FOSL2: variants seen among roughly 807,000 people sequenced by gnomAD.
The protein encoded by FOSL2 is FOS like 2, AP-1 transcription factor subunit.
FOSL2 carries 3 observed loss-of-function variants against 27.7 expected under a neutral mutation model. That is an observed-to-expected ratio of 0.11 (90% CI 0.05 to 0.28). The LOEUF (loss-of-function observed/expected upper bound fraction) is 0.28. Ranked by LOEUF, FOSL2 falls within the 10% of genes least tolerant of loss-of-function variation. The pLI, the probability that FOSL2 is intolerant of heterozygous loss-of-function variation, is 1.00. For missense variants in FOSL2, 333 were observed against 445.1 expected, an observed-to-expected ratio of 0.75 and a Z score of 2.27; for synonymous variants, 179 against 190.1, an observed-to-expected ratio of 0.94 and a Z score of 0.48.
chr2:28,404,299 A>G lies in FOSL2; in HGVS notation c.295A>G (p.Arg99Gly). 6.2e-7 allele frequency: 1 copy of G among 1,614,158 alleles called. No individual in the cohort carries two copies. Among genetic ancestry groups the G allele is most frequent in the Non-Finnish European group, 8.5e-7 (1 of 1,180,022 alleles). Reference protein sequence around the residue: ...ASVPGHMALPRPGVIKTIGTT... With the variant: ...ASVPGHMALPGPGVIKTIGTT... Reference sequence around the variant, plus strand: ...TGTCCCTGGACACATGGCCCTCCCAAGACCTGGCGTGATCAAGACCATTGG... The same window carrying G: ...TGTCCCTGGACACATGGCCCTCCCAGGACCTGGCGTGATCAAGACCATTGG... The change falls in exon 2 of 4, where the codon AGA (arginine) becomes GGA (glycine). Residue 99 changes from arginine (R) to glycine (G), a missense_variant. Physicochemically the swap from Arg to Gly is moderately radical, Grantham distance 125 (BLOSUM62 -2). Around this residue, in one of 4 missense-constraint regions of FOSL2, gnomAD observed 131 missense variants for 157.9 expected, o/e 0.83. Transcript: ENST00000264716. This position sits in a 1 kb window ranked among gnomAD's most constrained non-coding sequence, Gnocchi z 4.7.
At chr2:28,406,044 CTTTTTTTTTTTTTT>C (rs10525036) in intron 2 of FOSL2, among the ~76,000 whole-genome samples, 1 of 39,694 alleles carries the variant, frequency 2.5e-5, no homozygotes. Flanking sequence ...TCTCCATTCC[CTTTTTTTTTTTTTT>C]TTTTTTTTTC....
intron 1 of FOSL2, among the ~76,000 whole-genome samples, chr2:28,401,184 G>A (rs567214260): frequency 7.8e-4 from 118 of 151,196 alleles, no homozygotes; most frequent in African/African-American, 2.5e-3. Flanking sequence ...CCTTCCATTG[G>A]TTTGGAGCAA....
At position 28,413,834 on chromosome 2, in the gene FOSL2, C is replaced by T; in HGVS notation, c.*1386C>T. ...GTCGCTGTGGCTTGTGGCTCATGCG[C>T]CATTCCTGGTTGTCTGTTGAATCTT... On this transcript the variant is annotated 3_prime_UTR_variant, in exon 4 of 4. Transcript: ENST00000264716. The T allele has an allele frequency of 2.5e-6, 1 of 398,900 alleles. No homozygotes were observed. The highest frequency in any genetic ancestry group is 4.4e-6 in the Non-Finnish European group (1 of 226,284). The allele number at this position is 398,900 out of a possible 1,614,324, so 24.7% of individuals were successfully genotyped here.
In FOSL2 at chr2:28,416,037, TAAG is replaced by T. The variant is rs1356899407; in HGVS notation, c.*3590_*3592del. 6.6e-6 allele frequency: 1 copy of T among 152,108 alleles called. No homozygotes were observed. Among genetic ancestry groups the T allele is most frequent in the Non-Finnish European group, 1.5e-5 (1 of 68,020 alleles). 9.4% of individuals were successfully genotyped at this position (152,108 alleles called of 1,614,324 possible). ...ATGTGTGAATTTTCTTTAAAAAACT[TAAG>T]GAGTCTTTGCTACCTTCTGCTTGTT... is the stretch of plus-strand genomic sequence containing the variant. On this transcript the variant is annotated 3_prime_UTR_variant, in exon 4 of 4. Transcript: ENST00000264716.
chr2:28,398,576 A>G (rs1195426497), intron 1 of FOSL2, among the ~76,000 whole-genome samples: 1 of 152,226 alleles, frequency 6.6e-6, no homozygotes, highest in Non-Finnish European at 1.5e-5. Context: ...GGGAGCCTGG[A>G]CGAGGGCTAA....
intron 1 of FOSL2, among the ~76,000 whole-genome samples, chr2:28,396,637 G>GA (rs530609439): frequency 6.6e-6 from 1 of 151,852 alleles, no homozygotes; most frequent in Non-Finnish European, 1.5e-5. Flanking sequence ...CCCTTTTAAT[G>GA]AAAAAACAAA....
At chr2:28,403,326 C>T (rs760704386) in intron 1 of FOSL2, among the ~76,000 whole-genome samples, 21 of 152,138 alleles carry the variant, frequency 1.4e-4, no homozygotes, top group Non-Finnish European at 2.9e-4. Context: ...AATTAAGAAG[C>T]GGGGAGAAAA....
chr2:28,412,753 C>G lies in FOSL2; in HGVS notation c.*305C>G, dbSNP rs1368300020. On this transcript the variant is annotated 3_prime_UTR_variant, in exon 4 of 4. Transcript: ENST00000264716. This position sits in a 1 kb window ranked among gnomAD's most constrained non-coding sequence, Gnocchi z 7.1. Reference sequence around the variant, plus strand: ...TCTCTGGCTTCTGAAGAGCCTGAAGCTGGCCTGGACCATTCCTGTCCCTTT... The same window carrying G: ...TCTCTGGCTTCTGAAGAGCCTGAAGGTGGCCTGGACCATTCCTGTCCCTTT... 1 of 390,328 alleles carries G rather than the reference C, an allele frequency of 2.6e-6. No individual in the cohort carries two copies. Among genetic ancestry groups the G allele is most frequent in the Admixed American group, 3.7e-5 (1 of 26,900 alleles). 24.2% of individuals were successfully genotyped at this position (390,328 alleles called of 1,614,324 possible).
In FOSL2 at chr2:28,412,307, C is replaced by G; in HGVS notation, c.840C>G (p.Leu280=). 6.2e-7 allele frequency: 1 copy of G among 1,614,078 alleles called. No individual in the cohort carries two copies. The highest frequency in any genetic ancestry group is 8.5e-7 in the Non-Finnish European group (1 of 1,180,010). ...TPAVTPGTSN[L]VFTYPSVLEQ... Reference sequence around the variant, plus strand: ...CTGTCACTCCGGGCACCTCGAACCTCGTCTTCACCTATCCTAGCGTCCTGG... The same window carrying G: ...CTGTCACTCCGGGCACCTCGAACCTGGTCTTCACCTATCCTAGCGTCCTGG... Residue 280 remains leucine, a synonymous_variant, in exon 4 of 4, where the codon CTC becomes CTG. Coordinates refer to ENST00000264716, the MANE Select transcript of FOSL2 (RefSeq NM_005253.4). This position sits in a 1 kb window ranked among gnomAD's most constrained non-coding sequence, Gnocchi z 7.1.
chr2:28,406,115 G>A (rs892502349), intron 2 of FOSL2, among the ~76,000 whole-genome samples: 15 of 150,844 alleles, frequency 9.9e-5, no homozygotes, highest in African/African-American at 3.6e-4. Context: ...GAATGCAGTG[G>A]CACGATCTCG....
chr2:28,393,588 GA>G lies in FOSL2; in HGVS notation c.-130del. 1 of 637,482 alleles carries G rather than the reference GA, an allele frequency of 1.6e-6. No individual in the cohort carries two copies. The highest frequency in any genetic ancestry group is 2.0e-5 in the South Asian group (1 of 49,772). 39.5% of individuals were successfully genotyped at this position (637,482 alleles called of 1,614,324 possible). A position where few individuals can be genotyped will look rare whatever the true frequency, so the allele number is the denominator to read the frequency against. The stretch of plus-strand genomic sequence containing the variant: ...TGTCCTCGCCCTCCGCGGTGGGGGA[GA>G]AACCCAGGAGCGAAGCCCAGAGCCC... On this transcript the variant is annotated 5_prime_UTR_variant, in exon 1 of 4. Coordinates refer to ENST00000264716, the MANE Select transcript of FOSL2 (RefSeq NM_005253.4). The surrounding 1 kb of genome is among the most constrained non-coding windows in gnomAD (Gnocchi z 4.6).
At chr2:28,406,850 C>T (rs979747394) in intron 2 of FOSL2, among the ~76,000 whole-genome samples, 2 of 152,220 alleles carry the variant, frequency 1.3e-5, no homozygotes, top group Admixed American at 6.5e-5. Flanking sequence ...GCCTCCGGAG[C>T]CGGCCTGGTG....
intron 1 of FOSL2, among the ~76,000 whole-genome samples, chr2:28,398,919 T>C (rs1484898542): frequency 6.6e-6 from 1 of 152,202 alleles, no homozygotes; most frequent in Non-Finnish European, 1.5e-5. Flanking sequence ...ATACAGAGTA[T>C]TTGCGTTAAA....
rs1233032959 is a variant in FOSL2 at position 28,403,574 on chromosome 2, T to C, written c.103-533T>C. 3.3e-5 allele frequency among the ~76,000 whole-genome samples: 5 copies of C among 152,308 alleles called. No homozygotes were observed. In the East Asian group the frequency reaches 5.8e-4, roughly 18 times the overall value. On this transcript the variant is annotated intron_variant, in intron 1 of 3. Coordinates refer to ENST00000264716, the MANE Select transcript of FOSL2 (RefSeq NM_005253.4). ...GGCTGTGCCCTGATGGAGTCATAGC[T>C]CTGTCCTGAACCTCTTTGGAAAGTG...
Position 28,408,720 on chromosome 2 carries a change from G to C in FOSL2, c.355-39G>C. 7.1e-7 allele frequency: 1 copy of C among 1,416,772 alleles called. No individual in the cohort carries two copies. Among genetic ancestry groups the C allele is most frequent in the South Asian group, 1.3e-5 (1 of 79,500 alleles). The allele number at this position is 1,416,772 out of a possible 1,614,324, so 87.8% of individuals were successfully genotyped here. A position where few individuals can be genotyped will look rare whatever the true frequency, so the allele number is the denominator to read the frequency against. On this transcript the variant is annotated intron_variant, in intron 2 of 3. Coordinates refer to ENST00000264716, the MANE Select transcript of FOSL2 (RefSeq NM_005253.4). The surrounding 1 kb of genome is among the most constrained non-coding windows in gnomAD (Gnocchi z 4.1). ...TTTTTAAAAAATACTGTGAACCATT[G>C]TCTCTGTTCTAACCATGATCCTTGG...
intron 1 of FOSL2, chr2:28,394,670 A>C (rs1446240994): frequency 1.3e-5 from 2 of 152,362 alleles, no homozygotes; most frequent in Admixed American, 6.5e-5. Context: ...ACTGGTTTGC[A>C]CTGGAGGGAT....
Position 28,413,416 on chromosome 2 carries a change from T to TC in FOSL2, c.*970dup. The TC allele has an allele frequency of 2.5e-6, 1 of 398,492 alleles. No individual in the cohort carries two copies. The highest frequency in any genetic ancestry group is 3.6e-5 in the East Asian group (1 of 28,076). The allele number at this position is 398,492 out of a possible 1,614,324, so 24.7% of individuals were successfully genotyped here. ...CCTCCCTAGGAGCCACACATTATACTCCAAGTCCCTGCCGGGCTCCGCCTT... is the reference window on the plus strand; with the variant it reads ...CCTCCCTAGGAGCCACACATTATACTCCCAAGTCCCTGCCGGGCTCCGCCTT... On this transcript the variant is annotated 3_prime_UTR_variant, in exon 4 of 4. Coordinates refer to ENST00000264716, the MANE Select transcript of FOSL2 (RefSeq NM_005253.4).
rs149953249 is a variant in FOSL2 at position 28,412,262 on chromosome 2, C to T, written c.795C>T (p.Ile265=). The change falls in exon 4 of 4, where the codon ATC becomes ATT. Residue 265 remains isoleucine, a synonymous_variant. Transcript: ENST00000264716. The surrounding 1 kb of genome is among the most constrained non-coding windows in gnomAD (Gnocchi z 7.1). ...FYGEEPLHTP[I]VVTSTPAVTP... ...GTGAGGAGCCCCTGCACACCCCCAT[C>T]GTGGTGACCTCCACACCTGCTGTCA... 9.0e-4 allele frequency: 1,458 copies of T among 1,614,078 alleles called. 1 individual carries two copies. The highest frequency in any genetic ancestry group is 1.1e-3 in the Non-Finnish European group (1,295 of 1,179,998).
rs542426522 is a variant in FOSL2 at position 28,409,790 on chromosome 2, G to A, written c.462+924G>A. Among the ~76,000 whole-genome samples the A allele has an allele frequency of 9.5e-4, 144 of 152,262 alleles. No homozygotes were observed. In the Middle Eastern group the frequency reaches 0.02, roughly 22 times the overall value. On this transcript the variant is annotated intron_variant, in intron 3 of 3. Transcript: ENST00000264716. ...AGTTTCGCTCTTGTCGCCCAGGCTG[G>A]AGTGCAGTGGGACGATCTCAGCTCA...
Sources: gnomAD v4.1 joint callset for allele counts (sites outside exome capture counted in the v4.1 genomes callset) on GRCh38, gnomAD v4.1.1 for gene constraint, gnomAD v4.1.1 regional missense constraint, Gnocchi (gnomAD v3.1) non-coding constraint, MANE v1.5 for transcripts, NCBI Gene and HGNC (gene_info 2026-07-23, HGNC 2026-07-21) for gene names.